TRDN: variants seen among roughly 807,000 people sequenced by gnomAD.
TRDN encodes triadin in skeletal muscle.
TRDN carries 161 observed loss-of-function variants against 149.7 expected under a neutral mutation model. That is an observed-to-expected ratio of 1.08 (90% CI 0.95 to 1.23). TRDN has a LOEUF of 1.23. Ranked by LOEUF, TRDN falls within the 50% of genes most tolerant of loss-of-function variation. The probability of loss-of-function intolerance (pLI) is 0.00; values close to 1 mark genes in which losing one functional copy is unlikely to be tolerated. For missense variants in TRDN, 896 were observed against 823.5 expected, an observed-to-expected ratio of 1.09 and a Z score of -1.08; for synonymous variants, 294 against 250.5, an observed-to-expected ratio of 1.17 and a Z score of -1.64.
chr6:123,562,684 G>A lies in TRDN; in HGVS notation c.232+8239C>T, dbSNP rs186973576. On this transcript the variant is annotated intron_variant, in intron 2 of 40. Transcript: ENST00000334268. ...AAAAAATAAAATAAAATAAAGGGTA[G>A]GATGCAAAACTCCTGAAGTACATTG... Among the ~76,000 whole-genome samples, 116 of 152,268 alleles carry A rather than the reference G, an allele frequency of 7.6e-4. 1 individual carries two copies. The highest frequency in any genetic ancestry group is 2.6e-3 in the African/African-American group (108 of 41,552).
At chr6:123,225,084 A>G (rs1041047379) in intron 38 of TRDN, among the ~76,000 whole-genome samples, 3 of 89,274 alleles carry the variant, frequency 3.4e-5, no homozygotes, top group Non-Finnish European at 6.7e-5. Context: ...AAAGGATCTG[A>G]ACAGACACTT....
chr6:123,562,339 G>A (rs1039034914), intron 2 of TRDN, among the ~76,000 whole-genome samples: 7 of 152,190 alleles, frequency 4.6e-5, no homozygotes, highest in Admixed American at 1.3e-4. Context: ...TCTTCACATG[G>A]ACATGAGTAA....
chr6:123,622,859 C>T (rs1785468652), intron 1 of TRDN, among the ~76,000 whole-genome samples: 1 of 152,108 alleles, frequency 6.6e-6, no homozygotes, highest in African/African-American at 2.4e-5. Flanking sequence ...ACTCTAAGCA[C>T]ATGTAGAGTT....
At chr6:123,425,825 C>G (rs1774097239) in intron 12 of TRDN, among the ~76,000 whole-genome samples, 1 of 151,930 alleles carries the variant, frequency 6.6e-6, no homozygotes, top group Non-Finnish European at 1.5e-5. Flanking sequence ...AGGCAGCAAC[C>G]TGAGAAGGAT....
In TRDN at chr6:123,260,639, C is replaced by CTT; in HGVS notation, c.1805-3_1805-2dup. The CTT allele has an allele frequency of 2.7e-6, 2 of 754,142 alleles. No individual in the cohort carries two copies. The highest frequency in any genetic ancestry group is 3.6e-6 in the Non-Finnish European group (2 of 555,722). 46.7% of individuals were successfully genotyped at this position (754,142 alleles called of 1,614,324 possible). A position where few individuals can be genotyped will look rare whatever the true frequency, so the allele number is the denominator to read the frequency against. On this transcript the variant is annotated splice_acceptor_variant, in intron 33 of 40. Coordinates refer to ENST00000334268, the MANE Select transcript of TRDN (RefSeq NM_006073.4). LOFTEE classifies it high-confidence loss of function. Reference sequence around the variant, plus strand: ...GATTCTGTGACTTCTGATGTTCCTTCTTTAGAAAAAAAAAAAAAAAGAATG... The same window carrying CTT: ...GATTCTGTGACTTCTGATGTTCCTTCTTTTTAGAAAAAAAAAAAAAAAGAATG...
At chr6:123,394,045 A>G (rs1166403946) in intron 12 of TRDN, among the ~76,000 whole-genome samples, 2 of 152,166 alleles carry the variant, frequency 1.3e-5, no homozygotes, top group African/African-American at 4.8e-5. Context: ...AGAACCAAAT[A>G]AGATGACTTA....
intron 4 of TRDN, among the ~76,000 whole-genome samples, chr6:123,531,102 T>A (rs753965104): frequency 6.6e-6 from 1 of 152,054 alleles, no homozygotes; most frequent in Non-Finnish European, 1.5e-5. Flanking sequence ...TTTCATAGAA[T>A]AAGTTAGTTG....
chr6:123,427,414 T>C (rs140453506), intron 12 of TRDN, among the ~76,000 whole-genome samples: 249 of 152,206 alleles, frequency 1.6e-3, no homozygotes, highest in African/African-American at 5.7e-3. Flanking sequence ...TAGCTAGATG[T>C]TTAATTTTGA....
chr6:123,329,655 A>G (rs1208567481), intron 23 of TRDN, among the ~76,000 whole-genome samples: 7 of 152,094 alleles, frequency 4.6e-5, no homozygotes, highest in Admixed American at 4.6e-4. Flanking sequence ...GTTGTTTGGA[A>G]CAAAAAAGAA....
intron 1 of TRDN, among the ~76,000 whole-genome samples, chr6:123,583,321 T>C (rs868235629): frequency 2.3e-4 from 35 of 152,038 alleles, no homozygotes; most frequent in African/African-American, 7.7e-4. Context: ...GGGCACAGTC[T>C]AAGTTCTGGT....
chr6:123,433,143 AATATATATATATATATATAATATATATAT>A (rs138197504), intron 12 of TRDN, among the ~76,000 whole-genome samples: 11 of 96,440 alleles, frequency 1.1e-4, no homozygotes, highest in Non-Finnish European at 1.9e-4. Flanking sequence ...ACACATCATA[AATATATATATATATATATAATATATATAT>A]ATATATATAT....
chr6:123,570,470 G>A (rs1297555375), intron 2 of TRDN, among the ~76,000 whole-genome samples: 1 of 152,200 alleles, frequency 6.6e-6, no homozygotes, highest in Non-Finnish European at 1.5e-5. Context: ...TGTCTGGCAA[G>A]GACACTTAGG....
intron 31 of TRDN, among the ~76,000 whole-genome samples, chr6:123,269,117 G>A (rs573677386): frequency 1.3e-5 from 2 of 151,982 alleles, no homozygotes; most frequent in African/African-American, 2.4e-5. Context: ...ACCATTCAAC[G>A]ACCAACATCA....
intron 8 of TRDN, chr6:123,502,337 A>AT: frequency 1.3e-6 from 1 of 795,800 alleles, no homozygotes; most frequent in Non-Finnish European, 1.5e-6. Flanking sequence ...TAACTTTTAA[A>AT]TTTTTTTCAT....
At chr6:123,361,720 G>A (rs758931537) in intron 20 of TRDN, among the ~76,000 whole-genome samples, 28 of 151,868 alleles carry the variant, frequency 1.8e-4, no homozygotes, top group South Asian at 6.2e-4. Flanking sequence ...AATATATTAT[G>A]TACCTGACAA....
chr6:123,464,592 G>A (rs1464820098), intron 10 of TRDN: 3 of 1,045,416 alleles, frequency 2.9e-6, no homozygotes, highest in East Asian at 7.1e-5. Flanking sequence ...TGATCAAGTT[G>A]TGGTAAAACT....
chr6:123,283,426 A>ACCAAAC (rs980703436), intron 24 of TRDN, among the ~76,000 whole-genome samples: 92 of 152,026 alleles, frequency 6.1e-4, no homozygotes, highest in Non-Finnish European at 1.0e-4. Context: ...ACAAGAACAA[A>ACCAAAC]CCAAACCCAA....
chr6:123,221,530 A>T lies in TRDN; in HGVS notation c.2015-8T>A. ...ACACATCTTCAGTTCCTTCTAGTGGATAAAAAATATAAAAGTAAATAACTT... is the reference window on the plus strand; with the variant it reads ...ACACATCTTCAGTTCCTTCTAGTGGTTAAAAAATATAAAAGTAAATAACTT... On this transcript the variant is annotated splice_region_variant and splice_polypyrimidine_tract_variant and intron_variant, in intron 39 of 40. Transcript: ENST00000334268. 1 of 1,545,094 alleles carries T rather than the reference A, an allele frequency of 6.5e-7. No individual in the cohort carries two copies. Among genetic ancestry groups the T allele is most frequent in the Non-Finnish European group, 8.9e-7 (1 of 1,127,780 alleles).
Position 123,445,080 on chromosome 6 carries a change from G to C in TRDN, c.932-6077C>G, listed in dbSNP as rs1239382900. On this transcript the variant is annotated intron_variant, in intron 10 of 40. Transcript: ENST00000334268. ...CCCTCTTTTTCTATTGATTGGAATA[G>C]TTTCAGAAGGAATGGTACCAGTTCC... 3.3e-5 allele frequency: 5 copies of C among 151,684 alleles called. No individual in the cohort carries two copies. In the East Asian group the frequency reaches 7.8e-4, roughly 24 times the overall value. 9.4% of individuals were successfully genotyped at this position (151,684 alleles called of 1,614,324 possible). A position where few individuals can be genotyped will look rare whatever the true frequency, so the allele number is the denominator to read the frequency against.
Sources: gnomAD v4.1 joint callset for allele counts (sites outside exome capture counted in the v4.1 genomes callset) on GRCh38, gnomAD v4.1.1 for gene constraint, MANE v1.5 for transcripts, NCBI Gene and HGNC (gene_info 2026-07-23, HGNC 2026-07-21) for gene names.